Variants in CNTN3 observed in about 807,000 individuals in gnomAD.
CNTN3 encodes the protein contactin 3.
A neutral mutation model predicts 119.1 loss-of-function variants in CNTN3; 60 were observed. The ratio of observed to expected loss-of-function variants is 0.50; its 90% CI spans 0.41 to 0.62. The LOEUF is 0.62. CNTN3 is among the 20% of genes least tolerant of loss of function. The pLI is 0.00. For synonymous variants in CNTN3, 450 were observed against 438.7 expected (o/e 1.03, Z -0.32); for missense variants, 1,101 against 1,242.4 (o/e 0.89, Z 1.71).
chr3:74,371,362 C>T lies in CNTN3; in HGVS notation c.492G>A (p.Ser164=), dbSNP rs765543658. Residue 164 remains serine (S), a synonymous_variant, in exon 6 of 23, where the codon TCG becomes TCA. Transcript: ENST00000263665. ...ATCTCCGACTATCTTCTTCAACAAA[C>T]GATGGGTATTCATTGAAGATCCAAG... The part of the protein sequence containing the change: ...SYAWIFNEYP[S]FVEEDSRRFV... 16 of 1,613,144 alleles carry T rather than the reference C, an allele frequency of 9.9e-6. No homozygotes were observed. Among genetic ancestry groups the T allele is most frequent in the Admixed American group, 8.3e-5 (5 of 59,906 alleles).
intron 4 of CNTN3, among the ~76,000 whole-genome samples, chr3:74,478,613 T>C (rs1702703973): frequency 6.6e-6 from 1 of 152,084 alleles, no homozygotes. Flanking sequence ...AAAGAGGTAA[T>C]AATGAGGTGA....
At chr3:74,394,343 A>G (rs1421323130) in intron 5 of CNTN3, among the ~76,000 whole-genome samples, 1 of 152,220 alleles carries the variant, frequency 6.6e-6, no homozygotes, top group Non-Finnish European at 1.5e-5. Context: ...CAGTCATAGC[A>G]AAATGATGTG....
rs778384704 is a variant in CNTN3, at chr3:74,424,857, G to A, written c.442C>T (p.Pro148Ser). The A allele has an allele frequency of 6.2e-7, 1 of 1,613,502 alleles. No individual in the cohort carries two copies. Among genetic ancestry groups the A allele is most frequent in the Non-Finnish European group, 8.5e-7 (1 of 1,179,628 alleles). Residue 148 changes from proline to serine, a missense_variant, in exon 5 of 23, where the codon CCA becomes TCA. Transcript: ENST00000263665. Reference protein sequence around the residue: ...QGVVLLCGPPPHSGELSYAWI... With the variant: ...QGVVLLCGPPSHSGELSYAWI... ...GAGCATGACTTACCTCCAGAGTGTG[G>A]TGGGGGGCCGCAGAGCAGCACAACT...
chr3:74,434,578 A>G (rs1224150485), intron 4 of CNTN3, among the ~76,000 whole-genome samples: 1 of 152,188 alleles, frequency 6.6e-6, no homozygotes, highest in Non-Finnish European at 1.5e-5. Context: ...GTGGAGTCAG[A>G]CAAACCTAGG....
intron 5 of CNTN3, among the ~76,000 whole-genome samples, chr3:74,407,980 G>A (rs1421219752): frequency 6.6e-6 from 1 of 152,154 alleles, no homozygotes; most frequent in Non-Finnish European, 1.5e-5. Context: ...GTGGTTGTGA[G>A]CAGCATGGTG....
intron 4 of CNTN3, among the ~76,000 whole-genome samples, chr3:74,459,729 C>T (rs989079125): frequency 5.3e-5 from 8 of 151,968 alleles, no homozygotes; most frequent in African/African-American, 1.9e-4. Flanking sequence ...TGTCTTTAAC[C>T]TTTAAGGTAG....
intron 19 of CNTN3, among the ~76,000 whole-genome samples, chr3:74,291,637 C>T (rs567509024): frequency 6.6e-6 from 1 of 152,232 alleles, no homozygotes; most frequent in East Asian, 1.9e-4. Flanking sequence ...CCTCGGCCTC[C>T]CAAAGTGCTG....
At chr3:74,601,980 C>G (rs1381155661) in intron 1 of CNTN3, among the ~76,000 whole-genome samples, 1 of 151,940 alleles carries the variant, frequency 6.6e-6, no homozygotes, top group East Asian at 1.9e-4. Context: ...CCATACCAGC[C>G]CAGCCTAGAT....
chr3:74,578,352 A>G (rs568382934), intron 1 of CNTN3, among the ~76,000 whole-genome samples: 5 of 152,216 alleles, frequency 3.3e-5, no homozygotes, highest in African/African-American at 1.2e-4. Flanking sequence ...ATTTAAAGTA[A>G]CAAACAATTT....
chr3:74,401,216 C>T (rs1433926629), intron 5 of CNTN3, among the ~76,000 whole-genome samples: 2 of 152,016 alleles, frequency 1.3e-5, no homozygotes, highest in Non-Finnish European at 2.9e-5. Context: ...TTAGGAAGAG[C>T]CAACTTAATT....
chr3:74,461,597 T>C (rs1021473936), intron 4 of CNTN3, among the ~76,000 whole-genome samples: 1 of 152,092 alleles, frequency 6.6e-6, no homozygotes, highest in African/African-American at 2.4e-5. Flanking sequence ...AGTAGGTTCA[T>C]GCATTTGTTT....
intron 11 of CNTN3, among the ~76,000 whole-genome samples, chr3:74,347,349 C>A (rs1402476629): frequency 6.6e-6 from 1 of 152,084 alleles, no homozygotes; most frequent in South Asian, 2.1e-4. Flanking sequence ...TCAAGCCATC[C>A]TTCTGCCTCA....
intron 1 of CNTN3, among the ~76,000 whole-genome samples, chr3:74,606,450 C>CT (rs1251794034): frequency 1.3e-5 from 2 of 151,488 alleles, no homozygotes; most frequent in Non-Finnish European, 1.5e-5. Flanking sequence ...GGGTGTGTGT[C>CT]TGTGTGTGTA....
At chr3:74,293,385 A>G (rs1702274024) in intron 19 of CNTN3, among the ~76,000 whole-genome samples, 1 of 152,194 alleles carries the variant, frequency 6.6e-6, no homozygotes, top group Non-Finnish European at 1.5e-5. Flanking sequence ...AGGAGAATCT[A>G]TTAAAAAGAA....
intron 1 of CNTN3, among the ~76,000 whole-genome samples, chr3:74,546,601 T>C (rs946975518): frequency 6.6e-6 from 1 of 152,126 alleles, no homozygotes; most frequent in East Asian, 1.9e-4. Flanking sequence ...AACATCAGAC[T>C]CCAAGTTCAT....
chr3:74,573,304 C>T (rs761363572), intron 1 of CNTN3, among the ~76,000 whole-genome samples: 8 of 151,040 alleles, frequency 5.3e-5, no homozygotes, highest in African/African-American at 1.9e-4. Context: ...TTTTTTTTAG[C>T]CTGTCCCATC....
intron 8 of CNTN3, among the ~76,000 whole-genome samples, chr3:74,366,112 T>A (rs186946883): frequency 4.3e-4 from 65 of 152,264 alleles, no homozygotes; most frequent in Admixed American, 4.3e-3. Flanking sequence ...CATATATTGT[T>A]CTTAATTATG....
chr3:74,573,762 C>T (rs1216170933), intron 1 of CNTN3, among the ~76,000 whole-genome samples: 1 of 148,162 alleles, frequency 6.7e-6, no homozygotes, highest in Non-Finnish European at 1.5e-5. Flanking sequence ...CAGTGATAGC[C>T]GTAATTAAAA....
chr3:74,515,216 A>T (rs1222125802), intron 2 of CNTN3, among the ~76,000 whole-genome samples: 1 of 152,074 alleles, frequency 6.6e-6, no homozygotes, highest in African/African-American at 2.4e-5. Flanking sequence ...GAAACAGAAC[A>T]TAGAAAGTAT....
Sources: gnomAD v4.1 joint callset for allele counts (sites outside exome capture counted in the v4.1 genomes callset) on GRCh38, gnomAD v4.1.1 for gene constraint, MANE v1.5 for transcripts, NCBI Gene and HGNC (gene_info 2026-07-23, HGNC 2026-07-21) for gene names.